Variants in DAZAP1 observed in about 807,000 individuals in gnomAD.
DAZAP1 encodes the protein DAZ-associated protein 1.
A neutral mutation model predicts 60.1 loss-of-function variants in DAZAP1; 6 were observed. The observed-to-expected ratio is 0.10, with a 90% CI of 0.05 to 0.20. The LOEUF is 0.20. Ranked by LOEUF, DAZAP1 falls within the 10% of genes least tolerant of loss-of-function variation. The pLI, the probability that DAZAP1 is intolerant of heterozygous loss-of-function variation, is 1.00. For synonymous variants in DAZAP1, 235 were observed against 215.9 expected (o/e 1.09, Z -0.78); for missense variants, 366 against 560.4 (o/e 0.65, Z 3.50).
Position 1,421,063 on chromosome 19 carries a change from C to A in DAZAP1, c.304-85C>A, listed in dbSNP as rs988903384. 5.8e-6 allele frequency: 7 copies of A among 1,209,012 alleles called. No individual in the cohort carries two copies. In the African/African-American group the frequency reaches 1.0e-4, roughly 18 times the overall value. The allele number at this position is 1,209,012 out of a possible 1,614,324, so 74.9% of individuals were successfully genotyped here. A position where few individuals can be genotyped will look rare whatever the true frequency, so the allele number is the denominator to read the frequency against. Reference sequence around the variant, plus strand: ...TTTCAGCTGACTCTTTAAACCAGCGCGGATTGGCCTTTATGTCCTCCGCAG... The same window carrying A: ...TTTCAGCTGACTCTTTAAACCAGCGAGGATTGGCCTTTATGTCCTCCGCAG... On this transcript the variant is annotated intron_variant, in intron 4 of 11. Coordinates refer to ENST00000233078, the MANE Select transcript of DAZAP1 (RefSeq NM_018959.4).
Position 1,422,676 on chromosome 19 carries a change from C to T in DAZAP1, c.463+280C>T, listed in dbSNP as rs190458910. Among the ~76,000 whole-genome samples, 5 of 152,074 alleles carry T rather than the reference C, an allele frequency of 3.3e-5. No individual in the cohort carries two copies. Among genetic ancestry groups the T allele is most frequent in the Admixed American group, 1.3e-4 (2 of 15,260 alleles). On this transcript the variant is annotated intron_variant, in intron 6 of 11. Transcript: ENST00000233078. This position sits in a 1 kb window ranked among gnomAD's most constrained non-coding sequence, Gnocchi z 4.5. ...GGCCTGGCTTCTGTTTTTCACTGTC[C>T]GGAAGAGTGTGGTCCTTCTGCATTT... is the stretch of plus-strand genomic sequence containing the variant.
chr19:1,429,842 A>T, intron 8 of DAZAP1, 125 bp from the exon 9 acceptor site: 1 of 1,176,074 alleles, frequency 8.5e-7, no homozygotes, highest in Non-Finnish European at 1.2e-6. Flanking sequence ...CAGGACGAAC[A>T]GGCTCTAAGC....
At chr19:1,429,262 C>T (rs952266170) in intron 8 of DAZAP1, among the ~76,000 whole-genome samples, 4 of 152,228 alleles carry the variant, frequency 2.6e-5, no homozygotes, top group Admixed American at 2.0e-4. Flanking sequence ...CTGCAGTGAG[C>T]GTCTGCACCT....
intron 1 of DAZAP1, among the ~76,000 whole-genome samples, chr19:1,408,392 CTG>C (rs1242060597): frequency 6.6e-6 from 1 of 152,146 alleles, no homozygotes; most frequent in African/African-American, 2.4e-5. Context: ...GGACCCCAAA[CTG>C]TGGCGTGGGG....
In DAZAP1 at chr19:1,418,166, C is replaced by T; in HGVS notation, c.71-38C>T. On this transcript the variant is annotated intron_variant, in intron 2 of 11. Transcript: ENST00000233078. This position sits in a 1 kb window ranked among gnomAD's most constrained non-coding sequence, Gnocchi z 5.7. ...GCCAGGCACGTGCCTAATGCTCTGG[C>T]CCTGTGTGTTTGTGTTTTCTTCCCG... 1.2e-6 allele frequency: 2 copies of T among 1,611,110 alleles called. No homozygotes were observed. Among genetic ancestry groups the T allele is most frequent in the African/African-American group, 1.3e-5 (1 of 74,948 alleles).
rs1347987770 is a variant in DAZAP1, at chr19:1,422,987, G to A, written c.463+591G>A. Reference sequence around the variant, plus strand: ...CCCATCCATGCTGGTTTGTGGAGCTGGGACGATGGGCGCCCAGTTTCTGTG... The same window carrying A: ...CCCATCCATGCTGGTTTGTGGAGCTAGGACGATGGGCGCCCAGTTTCTGTG... On this transcript the variant is annotated intron_variant, in intron 6 of 11. Transcript: ENST00000233078. This position sits in a 1 kb window ranked among gnomAD's most constrained non-coding sequence, Gnocchi z 4.5. Among the ~76,000 whole-genome samples, 1 of 152,158 alleles carries A rather than the reference G, an allele frequency of 6.6e-6. No homozygotes were observed. Among genetic ancestry groups the A allele is most frequent in the Non-Finnish European group, 1.5e-5 (1 of 68,032 alleles).
chr19:1,417,439 A>T, intron 1 of DAZAP1, 61 bp from the exon 2 acceptor site: 1 of 1,553,790 alleles, frequency 6.4e-7, no homozygotes, highest in Non-Finnish European at 8.7e-7. Flanking sequence ...CTTGGCTTGG[A>T]TGGGGGCATT....
intron 8 of DAZAP1, among the ~76,000 whole-genome samples, chr19:1,429,554 C>T (rs1006623744): frequency 2.0e-5 from 3 of 152,302 alleles, no homozygotes; most frequent in Non-Finnish European, 4.4e-5. Context: ...GTCCGGGTCC[C>T]GAGACTGTGG....
intron 4 of DAZAP1, among the ~76,000 whole-genome samples, chr19:1,420,847 G>A (rs2083135388): frequency 6.6e-6 from 1 of 152,336 alleles, no homozygotes; most frequent in East Asian, 1.9e-4. Context: ...ACTTTTCCAC[G>A]TGGCAGTGGT....
intron 8 of DAZAP1, among the ~76,000 whole-genome samples, chr19:1,429,289 G>A (rs1226875644): frequency 1.3e-5 from 2 of 152,228 alleles, no homozygotes; most frequent in East Asian, 1.9e-4. Flanking sequence ...CGTGTGCCAC[G>A]GCAGGTCTGA....
chr19:1,424,374 C>CT (rs1299961071), intron 6 of DAZAP1, among the ~76,000 whole-genome samples: 3 of 138,392 alleles, frequency 2.2e-5, no homozygotes, highest in Non-Finnish European at 3.2e-5. Flanking sequence ...CCTCCCCCTC[C>CT]GTCTGGTTGC....
rs755131822 is a variant in DAZAP1 at position 1,428,811 on chromosome 19, C to T, written c.547-31C>T. The T allele has an allele frequency of 1.2e-6, 2 of 1,612,258 alleles. No homozygotes were observed. Among genetic ancestry groups the T allele is most frequent in the South Asian group, 1.1e-5 (1 of 91,024 alleles). ...GGAAGGGGGTGCTGGGACCCGCAGC[C>T]TCGCCCTAAACCAGAGCTCGGTTTG... On this transcript the variant is annotated intron_variant, in intron 7 of 11. Transcript: ENST00000233078. This position sits in a 1 kb window ranked among gnomAD's most constrained non-coding sequence, Gnocchi z 4.0.
chr19:1,407,989 G>A (rs2082713217), intron 1 of DAZAP1, among the ~76,000 whole-genome samples, 187 bp downstream of exon 1: 1 of 151,356 alleles, frequency 6.6e-6, no homozygotes, highest in Admixed American at 6.6e-5. Flanking sequence ...GGGTCTGGGG[G>A]GGTCCTGGCG....
rs770286212 is a variant in DAZAP1 at position 1,434,913 on chromosome 19, CCCGCGGCG to C, written c.*7_*14del. 2.8e-6 allele frequency: 4 copies of C among 1,452,374 alleles called. 1 individual carries two copies. The South Asian group carries it at 5.6e-5, about 20-fold the overall frequency. The allele number at this position is 1,452,374 out of a possible 1,614,324, so 90.0% of individuals were successfully genotyped here. On this transcript the variant is annotated 3_prime_UTR_variant, in exon 12 of 12. Coordinates refer to ENST00000233078, the MANE Select transcript of DAZAP1 (RefSeq NM_018959.4). This position sits in a 1 kb window ranked among gnomAD's most constrained non-coding sequence, Gnocchi z 8.0. Reference sequence around the variant, plus strand: ...AGGGTTCCACCCCTACCGACGCTAGCCCGCGGCGCCGCGACGTCTGCACGGCCCAGACC... The same window carrying C: ...AGGGTTCCACCCCTACCGACGCTAGCCCGCGACGTCTGCACGGCCCAGACC...
chr19:1,414,699 ACACTC>A (rs2082923535), intron 1 of DAZAP1, among the ~76,000 whole-genome samples: 1 of 152,034 alleles, frequency 6.6e-6, no homozygotes, highest in Non-Finnish European at 1.5e-5. Flanking sequence ...TCGCGCCACT[ACACTC>A]CAGCCTGGGC....
chr19:1,424,516 C>T (rs1407592434), intron 6 of DAZAP1, among the ~76,000 whole-genome samples: 1 of 151,894 alleles, frequency 6.6e-6, no homozygotes, highest in Non-Finnish European at 1.5e-5. Flanking sequence ...CTTTCCCCGC[C>T]CCCAGTTTTG....
At position 1,422,741 on chromosome 19, in the gene DAZAP1, G is replaced by A. The variant is rs139020445; in HGVS notation, c.463+345G>A. Reference sequence around the variant, plus strand: ...CTCATCCAGTCCTCCCAGTGTGGCCGGTCTCATTTCGTGTCGTCAGCTGGG... The same window carrying A: ...CTCATCCAGTCCTCCCAGTGTGGCCAGTCTCATTTCGTGTCGTCAGCTGGG... On this transcript the variant is annotated intron_variant, in intron 6 of 11. Transcript: ENST00000233078. The surrounding 1 kb of genome is among the most constrained non-coding windows in gnomAD (Gnocchi z 4.5). Among the ~76,000 whole-genome samples, 35 of 152,136 alleles carry A rather than the reference G, an allele frequency of 2.3e-4. No homozygotes were observed. Among genetic ancestry groups the A allele is most frequent in the Admixed American group, 5.2e-4 (8 of 15,280 alleles).
At chr19:1,414,826 T>A (rs916114712) in intron 1 of DAZAP1, among the ~76,000 whole-genome samples, 5 of 152,024 alleles carry the variant, frequency 3.3e-5, no homozygotes, top group Non-Finnish European at 5.9e-5. Context: ...ATTTTTTATT[T>A]TTTTTTTAAT....
chr19:1,417,121 C>A, intron 1 of DAZAP1: 1 of 258,832 alleles, frequency 3.9e-6, no homozygotes, highest in Non-Finnish European at 7.4e-6. Context: ...CTTCTACATT[C>A]TTTTTCCTGA....
Sources: allele counts gnomAD v4.1 joint callset (sites outside exome capture counted in the v4.1 genomes callset), GRCh38; gene constraint gnomAD v4.1.1; non-coding constraint Gnocchi (gnomAD v3.1); transcripts MANE v1.5; gene names NCBI Gene and HGNC (gene_info 2026-07-23, HGNC 2026-07-21).